Variants in KAZN observed in about 807,000 individuals in gnomAD.
KAZN encodes kazrin, periplakin interacting protein, also known as kazrin.
Under a neutral mutation model 87.4 loss-of-function variants are expected in KAZN, and 40 were observed. The ratio of observed to expected loss-of-function variants is 0.46; its 90% confidence interval spans 0.36 to 0.60. KAZN has a LOEUF of 0.60. Among genes scored for constraint, KAZN ranks in the 20% least tolerant of loss-of-function variants. The pLI, the probability that KAZN is intolerant of heterozygous loss-of-function variation, is 0.00. For synonymous variants in KAZN, 466 were observed against 458.3 expected (o/e 1.02, Z -0.22); for missense variants, 898 against 1,073.9 (o/e 0.84, Z 2.29).
intron 1 of KAZN, among the ~76,000 whole-genome samples, chr1:13,945,502 C>G (rs1194661511): frequency 6.8e-6 from 1 of 147,930 alleles, no homozygotes; most frequent in Non-Finnish European, 1.5e-5. Flanking sequence ...TAGAATTGAT[C>G]AGGAATGTGA....
chr1:14,435,878 T>C (rs951330699), intron 2 of KAZN, among the ~76,000 whole-genome samples: 15 of 152,132 alleles, frequency 9.9e-5, no homozygotes, highest in Admixed American at 5.2e-4. Flanking sequence ...AGAATGGGGA[T>C]GGTGACAGGG....
intron 2 of KAZN, among the ~76,000 whole-genome samples, chr1:14,246,973 G>T (rs1312716968): frequency 6.6e-6 from 1 of 151,984 alleles, no homozygotes; most frequent in Non-Finnish European, 1.5e-5. Flanking sequence ...TTCCAAAGTG[G>T]TTTTTACCAG....
chr1:13,942,397 G>A (rs951752188), intron 1 of KAZN, among the ~76,000 whole-genome samples: 22 of 146,962 alleles, frequency 1.5e-4, no homozygotes, highest in African/African-American at 4.6e-4. Flanking sequence ...AAAATTAGCC[G>A]GGCGTGGTGG....
intron 2 of KAZN, among the ~76,000 whole-genome samples, chr1:14,242,439 G>A (rs1040962275): frequency 7.2e-5 from 11 of 152,050 alleles, no homozygotes. Flanking sequence ...ACTTCTTAAG[G>A]TGAAAGAGAA....
intron 2 of KAZN, among the ~76,000 whole-genome samples, chr1:14,362,986 G>A (rs35095692): frequency 1.3e-5 from 2 of 152,060 alleles, no homozygotes; most frequent in Non-Finnish European, 2.9e-5. Context: ...TTTGGATCCT[G>A]TCTCCTAGCC....
intron 1 of KAZN, among the ~76,000 whole-genome samples, chr1:14,842,012 A>T (rs1648079009): frequency 6.6e-6 from 1 of 152,046 alleles, no homozygotes; most frequent in Non-Finnish European, 1.5e-5. Context: ...CTTTGCTGGG[A>T]TGTGCCCTTA....
chr1:14,360,915 G>C (rs1241106776), intron 2 of KAZN, among the ~76,000 whole-genome samples: 1 of 152,202 alleles, frequency 6.6e-6, no homozygotes, highest in Admixed American at 6.5e-5. Context: ...ATGCACGGGG[G>C]TCAGGGACCC....
At chr1:14,762,618 G>A (rs1011237345) in intron 1 of KAZN, among the ~76,000 whole-genome samples, 2 of 152,162 alleles carry the variant, frequency 1.3e-5, no homozygotes, top group South Asian at 2.1e-4. Flanking sequence ...CCAGCTACTC[G>A]GGAGGCTGAG....
intron 1 of KAZN, among the ~76,000 whole-genome samples, chr1:14,007,157 G>A (rs192418195): frequency 3.9e-5 from 6 of 152,164 alleles, no homozygotes; most frequent in Non-Finnish European, 8.8e-5. Flanking sequence ...GTAAATAAAT[G>A]CAGCTGATTT....
chr1:14,474,194 G>T (rs74340138), intron 2 of KAZN, among the ~76,000 whole-genome samples: 1 of 152,032 alleles, frequency 6.6e-6, no homozygotes, highest in African/African-American at 2.4e-5. Context: ...TTTGCTGAAG[G>T]CTCCTATTTT....
At chr1:15,080,615 C>G (rs1167862926) in intron 8 of KAZN, among the ~76,000 whole-genome samples, 12 of 152,236 alleles carry the variant, frequency 7.9e-5, no homozygotes, top group Non-Finnish European at 1.6e-4. Flanking sequence ...GCATCTACAT[C>G]CAACAGGGCA....
At chr1:14,742,790 G>C (rs1039807981) in intron 1 of KAZN, among the ~76,000 whole-genome samples, 24 of 152,166 alleles carry the variant, frequency 1.6e-4, no homozygotes, top group African/African-American at 5.3e-4. Flanking sequence ...CCTGTCCTGT[G>C]GACAGCCATG....
At chr1:14,394,766 T>C (rs1270735643) in intron 2 of KAZN, among the ~76,000 whole-genome samples, 1 of 152,220 alleles carries the variant, frequency 6.6e-6, no homozygotes, top group African/African-American at 2.4e-5. Context: ...TTGCATATAT[T>C]ATCTTGTTGA....
intron 1 of KAZN, among the ~76,000 whole-genome samples, chr1:14,724,877 T>G (rs1301183046): frequency 5.9e-5 from 9 of 152,158 alleles, no homozygotes; most frequent in Non-Finnish European, 1.5e-5. Context: ...AATTTTCACT[T>G]CCCCTGTCAA....
At chr1:14,296,055 G>T (rs933805046) in intron 2 of KAZN, among the ~76,000 whole-genome samples, 1 of 152,118 alleles carries the variant, frequency 6.6e-6, no homozygotes, top group Non-Finnish European at 1.5e-5. Flanking sequence ...ACCTCATAGG[G>T]TTGCCATAAG....
chr1:14,300,603 GA>G (rs1368772940), intron 2 of KAZN, among the ~76,000 whole-genome samples: 1 of 152,148 alleles, frequency 6.6e-6, no homozygotes, highest in African/African-American at 2.4e-5. Context: ...CTGCACAGAG[GA>G]AAATCAATCA....
At chr1:14,676,155 C>T (rs1201793468) in intron 1 of KAZN, among the ~76,000 whole-genome samples, 1 of 152,190 alleles carries the variant, frequency 6.6e-6, no homozygotes, top group Non-Finnish European at 1.5e-5. Context: ...TGTTTTCCCT[C>T]CTCGGATGCT....
intron 1 of KAZN, among the ~76,000 whole-genome samples, chr1:14,728,060 C>G (rs940345177): frequency 6.6e-6 from 1 of 151,624 alleles, no homozygotes; most frequent in East Asian, 2.0e-4. Flanking sequence ...CCGAGACGGG[C>G]GGATCATCTG....
intron 2 of KAZN, among the ~76,000 whole-genome samples, chr1:14,582,885 G>A (rs1027018141): frequency 1.3e-5 from 2 of 152,118 alleles, no homozygotes; most frequent in African/African-American, 4.8e-5. Context: ...GCTCTTCCTG[G>A]CATGAATGTT....
Sources: gnomAD v4.1 joint callset for allele counts (sites outside exome capture counted in the v4.1 genomes callset) on GRCh38, gnomAD v4.1.1 for gene constraint, MANE v1.5 for transcripts, NCBI Gene and HGNC (gene_info 2026-07-23, HGNC 2026-07-21) for gene names.